Variants in DNAH9 observed in about 807,000 individuals in gnomAD.
DNAH9 encodes DNAH9 variant protein.
A neutral mutation model predicts 471.6 loss-of-function variants in DNAH9; 345 were observed. The observed-to-expected ratio is 0.73, with a 90% CI of 0.67 to 0.80. The LOEUF (loss-of-function observed/expected upper bound fraction) is 0.80, where lower values mean the gene tolerates loss of function less well. Among genes scored for constraint, DNAH9 ranks in the 30% least tolerant of loss-of-function variants. The probability of loss-of-function intolerance (pLI) is 0.00; values close to 1 mark genes in which losing one functional copy is unlikely to be tolerated. For missense variants in DNAH9, 5,407 were observed against 5,609.2 expected (o/e 0.96, Z 1.15); for synonymous variants, 2,093 against 2,123.6 (o/e 0.99, Z 0.40).
At chr17:11,620,039 C>T (rs919178138) in intron 6 of DNAH9, 2 of 469,730 alleles carry the variant, frequency 4.3e-6, no homozygotes, top group Non-Finnish European at 7.7e-6. Context: ...GGCAAAACGC[C>T]TTCTCTACAA....
chr17:11,956,693 TTAAA>T (rs1308934707), intron 67 of DNAH9, among the ~76,000 whole-genome samples: 2 of 151,932 alleles, frequency 1.3e-5, no homozygotes, highest in African/African-American at 4.8e-5. Flanking sequence ...TATTTGGAAA[TTAAA>T]TAGCATATTT....
intron 32 of DNAH9, 46 bp downstream of exon 32, chr17:11,747,812 G>A (rs376633328): frequency 1.3e-6 from 2 of 1,555,098 alleles, no homozygotes; most frequent in Non-Finnish European, 1.8e-6. Context: ...TAGCCTCAGA[G>A]TCCCTGTGGC....
chr17:11,780,896 G>GT, intron 38 of DNAH9, 113 bp from the exon 39 acceptor site: 1 of 1,169,378 alleles, frequency 8.6e-7, no homozygotes, highest in Non-Finnish European at 1.2e-6. Flanking sequence ...TCGCGTTGCT[G>GT]TTTTTTGCAC....
chr17:11,952,046 A>G (rs1975383875), intron 67 of DNAH9, among the ~76,000 whole-genome samples: 1 of 152,070 alleles, frequency 6.6e-6, no homozygotes, highest in African/African-American at 2.4e-5. Flanking sequence ...CATCACAGGA[A>G]GCTCTGGTGG....
chr17:11,727,429 A>C (rs2075174480), intron 27 of DNAH9, among the ~76,000 whole-genome samples: 1 of 152,140 alleles, frequency 6.6e-6, no homozygotes, highest in South Asian at 2.1e-4. Flanking sequence ...GTTGGGCATA[A>C]ATTTAAAGAT....
intron 68 of DNAH9, among the ~76,000 whole-genome samples, chr17:11,966,263 A>G (rs892958586): frequency 6.6e-6 from 1 of 152,226 alleles, no homozygotes; most frequent in African/African-American, 2.4e-5. Context: ...GTAATAGCTG[A>G]TTGCTCATCA....
intron 51 of DNAH9, among the ~76,000 whole-genome samples, chr17:11,869,991 G>A (rs1433409683): frequency 1.3e-5 from 2 of 152,152 alleles, no homozygotes; most frequent in African/African-American, 4.8e-5. Flanking sequence ...TCTTGGCAGT[G>A]ATGATTGGAA....
intron 26 of DNAH9, among the ~76,000 whole-genome samples, chr17:11,706,590 G>A (rs569464521): frequency 1.3e-5 from 2 of 152,154 alleles, no homozygotes; most frequent in Non-Finnish European, 2.9e-5. Context: ...ACAGTAGAAG[G>A]AAAAGAACTG....
At chr17:11,783,552 A>G (rs1968745660) in intron 39 of DNAH9, 94 bp from the exon 40 acceptor site, 1 of 860,972 alleles carries the variant, frequency 1.2e-6, no homozygotes, top group South Asian at 1.7e-5. Context: ...ACCCAAACAC[A>G]TGAACAGTAG....
chr17:11,799,355 ATTTT>A (rs1296683471), intron 43 of DNAH9, among the ~76,000 whole-genome samples: 1 of 150,748 alleles, frequency 6.6e-6, no homozygotes, highest in African/African-American at 2.5e-5. Flanking sequence ...CTTTTTAAAA[ATTTT>A]ATTTTATTTT....
chr17:11,770,806 GTAT>G (rs1555588116), intron 38 of DNAH9, among the ~76,000 whole-genome samples: 1 of 152,128 alleles, frequency 6.6e-6, no homozygotes, highest in Non-Finnish European at 1.5e-5. Context: ...AGTATAATCT[GTAT>G]TATTAACATT....
chr17:11,618,882 C>T (rs1023091576), intron 5 of DNAH9, among the ~76,000 whole-genome samples: 2 of 152,136 alleles, frequency 1.3e-5, no homozygotes, highest in African/African-American at 4.8e-5. Flanking sequence ...AAACCAGGAC[C>T]CCAACCCAGG....
chr17:11,934,706 C>A (rs375218538), intron 65 of DNAH9, among the ~76,000 whole-genome samples: 1 of 152,202 alleles, frequency 6.6e-6, no homozygotes, highest in East Asian at 1.9e-4. Context: ...CCCACCTGGG[C>A]CTCCCAAAGT....
chr17:11,944,462 C>T (rs1007911049), intron 67 of DNAH9, among the ~76,000 whole-genome samples: 1 of 152,102 alleles, frequency 6.6e-6, no homozygotes, highest in Non-Finnish European at 1.5e-5. Flanking sequence ...CCTAGAGGCA[C>T]AGGGCAGAGC....
intron 48 of DNAH9, among the ~76,000 whole-genome samples, chr17:11,827,852 AT>A (rs1301371100): frequency 6.6e-6 from 1 of 151,940 alleles, no homozygotes; most frequent in Non-Finnish European, 1.5e-5. Flanking sequence ...CACCCGGCTA[AT>A]TTTTGTATTT....
intron 45 of DNAH9, among the ~76,000 whole-genome samples, chr17:11,821,059 A>G (rs369291311): frequency 6.6e-6 from 1 of 152,152 alleles, no homozygotes; most frequent in Non-Finnish European, 1.5e-5. Context: ...AGGCGGGTGG[A>G]TCACCTGAGG....
At chr17:11,869,004 C>T in intron 50 of DNAH9, 130 bp from the exon 51 acceptor site, 1 of 1,113,644 alleles carries the variant, frequency 9.0e-7, no homozygotes, top group Non-Finnish European at 1.3e-6. Context: ...CCCTGCTTTC[C>T]CTGGTCCCAT....
chr17:11,809,115 G>T (rs1004552671), intron 44 of DNAH9, among the ~76,000 whole-genome samples: 2 of 152,146 alleles, frequency 1.3e-5, no homozygotes, highest in African/African-American at 4.8e-5. Flanking sequence ...TGATCAAGCT[G>T]GATAAGTTCA....
chr17:11,677,048 TCA>T lies in DNAH9; in HGVS notation c.3354-2708_3354-2707del, dbSNP rs1420863272. ...TGAAATTTGTTAAAGTTTGCCTTAT[TCA>T]ATATAGTATATTCAGTTCTTATAAA... On this transcript the variant is annotated intron_variant, in intron 17 of 68. Coordinates refer to ENST00000262442, the MANE Select transcript of DNAH9 (RefSeq NM_001372.4). Among the ~76,000 whole-genome samples the T allele has an allele frequency of 2.6e-5, 4 of 152,210 alleles. No homozygotes were observed. The East Asian group carries it at 7.7e-4, about 29-fold the overall frequency.
Sources: allele counts gnomAD v4.1 joint callset (sites outside exome capture counted in the v4.1 genomes callset), GRCh38; gene constraint gnomAD v4.1.1; transcripts MANE v1.5; gene names NCBI Gene and HGNC (gene_info 2026-07-23, HGNC 2026-07-21).